NDE1: variants seen among roughly 807,000 people sequenced by gnomAD.
The protein encoded by NDE1 is nuclear distribution protein nudE homolog 1.
A neutral mutation model predicts 43.4 loss-of-function variants in NDE1; 28 were observed. The observed-to-expected ratio is 0.65, with a 90% confidence interval of 0.48 to 0.89. The LOEUF (loss-of-function observed/expected upper bound fraction) is 0.89. Among genes scored for constraint, NDE1 ranks in the 40% least tolerant of loss-of-function variants. The pLI, the probability that NDE1 is intolerant of heterozygous loss-of-function variation, is 0.00. For missense variants in NDE1, 441 were observed against 434.1 expected (o/e 1.02, Z -0.14); for synonymous variants, 184 against 172.0 (o/e 1.07, Z -0.55).
chr16:15,670,236 G>T (rs1258959523), intron 3 of NDE1, among the ~76,000 whole-genome samples: 8 of 152,168 alleles, frequency 5.3e-5, no homozygotes, highest in Non-Finnish European at 1.5e-5. Context: ...TGTGTGCCCA[G>T]GGCTAGGTAT....
chr16:15,721,414 C>G (rs754627869), intron 8 of NDE1: 3 of 1,614,024 alleles, frequency 1.9e-6, no homozygotes, highest in South Asian at 2.2e-5. Context: ...CCACCCAGAG[C>G]CACTTACGTT....
At chr16:15,677,983 C>T in intron 4 of NDE1, 34 bp downstream of exon 4, 2 of 1,612,966 alleles carry the variant, frequency 1.2e-6, no homozygotes, top group Non-Finnish European at 1.7e-6. Flanking sequence ...GAGTGGGAGA[C>T]TCTCCTCTCT....
rs776574034 is a variant in NDE1, at chr16:15,724,765, T to A, written c.*514T>A. 1.2e-6 allele frequency: 2 copies of A among 1,614,136 alleles called. No homozygotes were observed. Among genetic ancestry groups the A allele is most frequent in the East Asian group, 4.5e-5 (2 of 44,882 alleles). On this transcript the variant is annotated 3_prime_UTR_variant, in exon 9 of 9. Transcript: ENST00000396354. ...CAGCTGGCGCAGCTTCGTAGACACG[T>A]TGAGCTTCTGCCGGGTTTCTTCTTG...
At chr16:15,689,934 A>G (rs2038645667) in intron 5 of NDE1, among the ~76,000 whole-genome samples, 1 of 94,628 alleles carries the variant, frequency 1.1e-5, no homozygotes, top group Non-Finnish European at 2.1e-5. Context: ...GTGAAACTCC[A>G]TCTCAAAAAA....
chr16:15,649,067 G>A (rs1442888952), upstream of NDE1, among the ~76,000 whole-genome samples: 2 of 151,872 alleles, frequency 1.3e-5, no homozygotes, highest in East Asian at 3.9e-4. Flanking sequence ...GTGGTGATGC[G>A]GGCCTGTGAT....
chr16:15,684,160 G>A (rs1329888840), intron 4 of NDE1: 1 of 152,218 alleles, frequency 6.6e-6, no homozygotes, highest in Admixed American at 6.5e-5. Flanking sequence ...GTACCCGAGA[G>A]GCGGAGGTTG....
chr16:15,709,314 TA>T (rs1216882259), intron 8 of NDE1, among the ~76,000 whole-genome samples: 1 of 151,310 alleles, frequency 6.6e-6, no homozygotes, highest in Non-Finnish European at 1.5e-5. Context: ...GTGAGGCTGG[TA>T]GATGAAAGGA....
chr16:15,644,671 C>T (rs2036273435), intron 1 of NDE1, among the ~76,000 whole-genome samples: 1 of 152,126 alleles, frequency 6.6e-6, no homozygotes, highest in Non-Finnish European at 1.5e-5. Flanking sequence ...GTAGTATTTT[C>T]CAAGTGGAGA....
At chr16:15,688,529 A>T (rs2038555720) in intron 5 of NDE1, among the ~76,000 whole-genome samples, 1 of 148,562 alleles carries the variant, frequency 6.7e-6, no homozygotes, top group Non-Finnish European at 1.5e-5. Flanking sequence ...GCTGCTCAGG[A>T]GGCTGAGGCA....
intron 5 of NDE1, among the ~76,000 whole-genome samples, chr16:15,690,519 G>A (rs901653073): frequency 2.6e-5 from 4 of 151,376 alleles, no homozygotes; most frequent in African/African-American, 7.3e-5. Context: ...CACTGCTCCC[G>A]GGCATATTTT....
At chr16:15,720,823 C>T (rs189463893) in intron 8 of NDE1, 14 of 1,612,566 alleles carry the variant, frequency 8.7e-6, no homozygotes, top group Non-Finnish European at 1.1e-5. Context: ...CTGCTGGCCT[C>T]CCCGGCAGCA....
upstream of NDE1, among the ~76,000 whole-genome samples, chr16:15,649,033 T>C (rs1244827670): frequency 6.6e-6 from 1 of 151,624 alleles, no homozygotes; most frequent in African/African-American, 2.4e-5. Context: ...CCGTCTCTAC[T>C]AAAAATATAA....
chr16:15,691,028 G>T (rs890010653), intron 5 of NDE1, 116 bp from the exon 6 acceptor site: 1 of 1,254,036 alleles, frequency 8.0e-7, no homozygotes. Context: ...GGCTGGTCTC[G>T]AACTCCTGAC....
At chr16:15,708,341 C>G (rs1489873293) in intron 8 of NDE1, among the ~76,000 whole-genome samples, 1 of 152,174 alleles carries the variant, frequency 6.6e-6, no homozygotes, top group Admixed American at 6.5e-5. Flanking sequence ...CCCAGACCAG[C>G]CAACTAGAAG....
chr16:15,720,087 T>C, intron 8 of NDE1: 1 of 1,609,484 alleles, frequency 6.2e-7, no homozygotes, highest in Non-Finnish European at 8.5e-7. Context: ...TCTGCTGACT[T>C]CGGTGGCCTG....
chr16:15,721,879 A>T (rs1277913159), intron 8 of NDE1, among the ~76,000 whole-genome samples: 1 of 152,052 alleles, frequency 6.6e-6, no homozygotes, highest in Admixed American at 6.6e-5. Flanking sequence ...TTTGTTTTAG[A>T]TGGAGTCTCA....
intron 5 of NDE1, among the ~76,000 whole-genome samples, chr16:15,690,472 C>G (rs929188707): frequency 6.8e-6 from 1 of 146,952 alleles, no homozygotes; most frequent in Non-Finnish European, 1.5e-5. Context: ...ATTCTTACAC[C>G]TCAGCCTCCC....
intron 8 of NDE1, among the ~76,000 whole-genome samples, chr16:15,704,586 C>A (rs545300653): frequency 6.6e-6 from 1 of 152,264 alleles, no homozygotes; most frequent in East Asian, 1.9e-4. Context: ...CACCCCCATT[C>A]GCCTTAGAGG....
chr16:15,695,009 C>G, intron 7 of NDE1: 2 of 726,036 alleles, frequency 2.8e-6, no homozygotes, highest in Non-Finnish European at 3.4e-6. Context: ...CCTGCCCCGA[C>G]TTGGCCTCTA....
Sources: allele counts gnomAD v4.1 joint callset (sites outside exome capture counted in the v4.1 genomes callset), GRCh38; gene constraint gnomAD v4.1.1; transcripts MANE v1.5; gene names NCBI Gene and HGNC (gene_info 2026-07-23, HGNC 2026-07-21).